MAP2K5: variants seen among roughly 807,000 people sequenced by gnomAD.
MAP2K5 encodes the protein dual specificity mitogen-activated protein kinase kinase 5.
In MAP2K5, 49 loss-of-function variants were observed where a neutral mutation model predicts 83.1. The observed-to-expected ratio is 0.59, with a 90% CI of 0.47 to 0.75. The LOEUF (loss-of-function observed/expected upper bound fraction) is 0.75, where lower values mean the gene tolerates loss of function less well. Ranked by LOEUF, MAP2K5 falls within the 30% of genes least tolerant of loss-of-function variation. The pLI, the probability that MAP2K5 is intolerant of heterozygous loss-of-function variation, is 0.00. For missense variants in MAP2K5, 457 were observed against 557.5 expected (o/e 0.82, Z 1.82); for synonymous variants, 202 against 191.8 (o/e 1.05, Z -0.44).
intron 13 of MAP2K5, among the ~76,000 whole-genome samples, chr15:67,688,174 G>T (rs984029122): frequency 6.6e-6 from 1 of 152,230 alleles, no homozygotes; most frequent in African/African-American, 2.4e-5. Context: ...TACCTGGCAG[G>T]TAGGCCAGTG....
At chr15:67,678,675 C>G (rs2087739257) in intron 13 of MAP2K5, among the ~76,000 whole-genome samples, 1 of 152,120 alleles carries the variant, frequency 6.6e-6, no homozygotes. Flanking sequence ...TAGAACTGAT[C>G]TTACCAGACA....
At chr15:67,753,167 A>G (rs2089760870) in intron 19 of MAP2K5, among the ~76,000 whole-genome samples, 1 of 152,214 alleles carries the variant, frequency 6.6e-6, no homozygotes, top group Admixed American at 6.5e-5. Context: ...TTGGACCCCT[A>G]CCTTTCATCA....
chr15:67,805,841 G>A (rs746267270), intron 21 of MAP2K5, among the ~76,000 whole-genome samples: 2 of 152,208 alleles, frequency 1.3e-5, no homozygotes, highest in Non-Finnish European at 2.9e-5. Context: ...TCTGACTGTG[G>A]CCTGGTAACC....
rs2090565731 is a variant in MAP2K5 at position 67,794,205 on chromosome 15, C to A, written c.1243-12441C>A. 6.6e-6 allele frequency among the ~76,000 whole-genome samples: 1 copy of A among 152,180 alleles called. No individual in the cohort carries two copies. Among genetic ancestry groups the A allele is most frequent in the African/African-American group, 2.4e-5 (1 of 41,446 alleles). On this transcript the variant is annotated intron_variant, in intron 21 of 21. Transcript: ENST00000178640. This position sits in a 1 kb window ranked among gnomAD's most constrained non-coding sequence, Gnocchi z 4.6. ...ACCACCATCAAAAACGCATTTCAGG[C>A]TTCTGTACATTTAATTTTCTTCAAC...
chr15:67,766,636 G>A (rs972140227), intron 19 of MAP2K5, among the ~76,000 whole-genome samples: 14 of 152,252 alleles, frequency 9.2e-5, no homozygotes, highest in African/African-American at 3.1e-4. Context: ...TCACAGATTT[G>A]AATTAGATAA....
chr15:67,678,790 C>T (rs1430128095), intron 13 of MAP2K5, among the ~76,000 whole-genome samples: 2 of 151,956 alleles, frequency 1.3e-5, no homozygotes, highest in East Asian at 3.9e-4. Context: ...ATGGAGAAAC[C>T]CCATCTCTAC....
intron 2 of MAP2K5, among the ~76,000 whole-genome samples, chr15:67,554,402 T>G (rs2084582629): frequency 6.6e-6 from 1 of 152,176 alleles, no homozygotes; most frequent in Non-Finnish European, 1.5e-5. Flanking sequence ...TAACACTAAT[T>G]GATATCTTAT....
At chr15:67,681,189 AAGATATC>A (rs1468318844) in intron 13 of MAP2K5, among the ~76,000 whole-genome samples, 3 of 152,346 alleles carry the variant, frequency 2.0e-5, no homozygotes, top group East Asian at 1.9e-4. Flanking sequence ...ATCAGATATC[AAGATATC>A]AGATATCAGG....
chr15:67,761,028 T>C (rs1379063103), intron 19 of MAP2K5, among the ~76,000 whole-genome samples: 1 of 152,108 alleles, frequency 6.6e-6, no homozygotes, highest in Non-Finnish European at 1.5e-5. Flanking sequence ...GATTCCAAAC[T>C]GGTCGGCTGG....
At chr15:67,618,995 A>G (rs1233821034) in intron 8 of MAP2K5, among the ~76,000 whole-genome samples, 2 of 152,104 alleles carry the variant, frequency 1.3e-5, no homozygotes, top group Non-Finnish European at 2.9e-5. Context: ...AGTCCTCACC[A>G]TGGCCTAAAT....
chr15:67,663,499 TAGTA>T (rs943072524), intron 12 of MAP2K5, among the ~76,000 whole-genome samples: 3 of 152,308 alleles, frequency 2.0e-5, no homozygotes, highest in African/African-American at 4.8e-5. Flanking sequence ...TGTAACACCT[TAGTA>T]AGCCTTTCTG....
At chr15:67,763,623 T>A (rs932906930) in intron 19 of MAP2K5, among the ~76,000 whole-genome samples, 1 of 151,900 alleles carries the variant, frequency 6.6e-6, no homozygotes, top group African/African-American at 2.4e-5. Flanking sequence ...AGGGTCCAGT[T>A]TTTTTTCATT....
chr15:67,603,507 A>G (rs1455094918), intron 8 of MAP2K5, among the ~76,000 whole-genome samples: 2 of 152,202 alleles, frequency 1.3e-5, no homozygotes, highest in East Asian at 1.9e-4. Context: ...TCATTCTTAT[A>G]TAGTAGATTT....
At chr15:67,729,244 A>G (rs2089169422) in intron 17 of MAP2K5, among the ~76,000 whole-genome samples, 1 of 152,194 alleles carries the variant, frequency 6.6e-6, no homozygotes, top group African/African-American at 2.4e-5. Flanking sequence ...TAAGCTTCTT[A>G]TTCTGTCAGT....
At chr15:67,643,924 A>G (rs1359835100) in intron 9 of MAP2K5, among the ~76,000 whole-genome samples, 1 of 152,176 alleles carries the variant, frequency 6.6e-6, no homozygotes, top group East Asian at 1.9e-4. Flanking sequence ...GTATGATTGT[A>G]TATATATTCT....
intron 17 of MAP2K5, among the ~76,000 whole-genome samples, chr15:67,740,760 G>A (rs2089472889): frequency 6.6e-6 from 1 of 152,150 alleles, no homozygotes; most frequent in Non-Finnish European, 1.5e-5. Flanking sequence ...TGGCGTGGTG[G>A]CTCATGCCTA....
chr15:67,693,182 T>C (rs2088159767), intron 14 of MAP2K5, among the ~76,000 whole-genome samples: 1 of 152,218 alleles, frequency 6.6e-6, no homozygotes, highest in African/African-American at 2.4e-5. Context: ...TCTTGAGCCA[T>C]CTGACTAAAA....
chr15:67,797,879 C>T (rs559941704), intron 21 of MAP2K5, among the ~76,000 whole-genome samples: 1 of 152,290 alleles, frequency 6.6e-6, no homozygotes, highest in Non-Finnish European at 1.5e-5. Context: ...GACAGGGTTT[C>T]ACCGTATTGG....
At position 67,677,540 on chromosome 15, in the gene MAP2K5, T is replaced by C. The variant is rs540422846; in HGVS notation, c.847+12895T>C. Reference sequence around the variant, plus strand: ...AAGTCAAGTCTGCTGTCTTACATCTTATTTATGCATATAATGTGGTATTCC... The same window carrying C: ...AAGTCAAGTCTGCTGTCTTACATCTCATTTATGCATATAATGTGGTATTCC... On this transcript the variant is annotated intron_variant, in intron 13 of 21. Coordinates refer to ENST00000178640, the MANE Select transcript of MAP2K5 (RefSeq NM_145160.3). The surrounding 1 kb of genome is among the most constrained non-coding windows in gnomAD (Gnocchi z 4.2). Among the ~76,000 whole-genome samples, 1 of 152,252 alleles carries C rather than the reference T, an allele frequency of 6.6e-6. No homozygotes were observed. The highest frequency in any genetic ancestry group is 1.5e-5 in the Non-Finnish European group (1 of 68,046).
Sources: gnomAD v4.1 joint callset for allele counts (sites outside exome capture counted in the v4.1 genomes callset) on GRCh38, gnomAD v4.1.1 for gene constraint, Gnocchi (gnomAD v3.1) non-coding constraint, MANE v1.5 for transcripts, NCBI Gene and HGNC (gene_info 2026-07-23, HGNC 2026-07-21) for gene names.